MVB12B: variants seen among roughly 807,000 people sequenced by gnomAD.
MVB12B encodes multivesicular body subunit 12B.
In MVB12B, 16 loss-of-function variants were observed where a neutral mutation model predicts 41.6. That is an observed-to-expected ratio of 0.38 (90% CI 0.26 to 0.58). MVB12B has a LOEUF of 0.58. Among genes scored for constraint, MVB12B ranks in the 20% least tolerant of loss-of-function variants. The probability of loss-of-function intolerance (pLI) is 0.62; values close to 1 mark genes in which losing one functional copy is unlikely to be tolerated. For synonymous variants in MVB12B, 133 were observed against 139.7 expected (o/e 0.95, Z 0.34); for missense variants, 274 against 380.2 (o/e 0.72, Z 2.32).
At chr9:126,487,826 C>T (rs987730850) in intron 9 of MVB12B, among the ~76,000 whole-genome samples, 2 of 150,952 alleles carry the variant, frequency 1.3e-5, no homozygotes, top group Non-Finnish European at 2.9e-5. Flanking sequence ...AAATTAAAGT[C>T]GATGTAAAGA....
At chr9:126,439,957 T>C (rs1403352085) in intron 7 of MVB12B, among the ~76,000 whole-genome samples, 1 of 152,236 alleles carries the variant, frequency 6.6e-6, no homozygotes. Context: ...TGTTCAGATA[T>C]TGCTTAAAGA....
chr9:126,471,052 G>A (rs1268004094), intron 7 of MVB12B, among the ~76,000 whole-genome samples: 1 of 152,166 alleles, frequency 6.6e-6, no homozygotes, highest in Non-Finnish European at 1.5e-5. Context: ...CTACAGCTGA[G>A]GAAAGAGAGG....
intron 1 of MVB12B, among the ~76,000 whole-genome samples, chr9:126,336,656 G>GA (rs1829286987): frequency 6.6e-6 from 1 of 152,080 alleles, no homozygotes; most frequent in Admixed American, 6.5e-5. Context: ...TGGCATGGTG[G>GA]AAAAAATCCT....
chr9:126,348,725 T>G (rs1305541818), intron 2 of MVB12B, among the ~76,000 whole-genome samples: 1 of 152,204 alleles, frequency 6.6e-6, no homozygotes, highest in Non-Finnish European at 1.5e-5. Context: ...TTAATTTTTC[T>G]TTCTTTTTTT....
chr9:126,395,813 G>A lies in MVB12B; in HGVS notation c.662+116G>A, dbSNP rs891080674. ...TACTGCAAAGTACAGCTGAATAATTGTAGAAGCAATATATCTTTAGAGGAG... is the reference window on the plus strand; with the variant it reads ...TACTGCAAAGTACAGCTGAATAATTATAGAAGCAATATATCTTTAGAGGAG... On this transcript the variant is annotated intron_variant, in intron 6 of 9. Transcript: ENST00000361171. The surrounding 1 kb of genome is among the most constrained non-coding windows in gnomAD (Gnocchi z 4.9). The A allele has an allele frequency of 1.3e-6, 2 of 1,510,170 alleles. No individual in the cohort carries two copies. The highest frequency in any genetic ancestry group is 1.4e-5 in the African/African-American group (1 of 71,518). The allele number at this position is 1,510,170 out of a possible 1,614,324, so 93.5% of individuals were successfully genotyped here. A position where few individuals can be genotyped will look rare whatever the true frequency, so the allele number is the denominator to read the frequency against.
rs1020011168 is a variant in MVB12B at position 126,376,678 on chromosome 9, G to T, written c.205-4386G>T. 4 of 1,281,772 alleles carry T rather than the reference G, an allele frequency of 3.1e-6. No individual in the cohort carries two copies. The highest frequency in any genetic ancestry group is 2.2e-4 in the Middle Eastern group (1 of 4,646). The allele number at this position is 1,281,772 out of a possible 1,614,324, so 79.4% of individuals were successfully genotyped here. On this transcript the variant is annotated intron_variant, in intron 2 of 9. Coordinates refer to ENST00000361171, the MANE Select transcript of MVB12B (RefSeq NM_033446.3). This position sits in a 1 kb window ranked among gnomAD's most constrained non-coding sequence, Gnocchi z 4.1. ...CCTGCCATTGCCATTCAGTGTGTAC[G>T]CTTGGTTACTCAATTACCCTCGTTT...
chr9:126,428,703 T>A (rs756500042), intron 7 of MVB12B, among the ~76,000 whole-genome samples: 5 of 152,300 alleles, frequency 3.3e-5, no homozygotes, highest in Non-Finnish European at 4.4e-5. Flanking sequence ...AGAATTTGCA[T>A]CCACATTCTG....
At chr9:126,337,993 G>T (rs1366270958) in intron 1 of MVB12B, among the ~76,000 whole-genome samples, 1 of 152,254 alleles carries the variant, frequency 6.6e-6, no homozygotes, top group Non-Finnish European at 1.5e-5. Context: ...GTAATTTGCA[G>T]TCAGAAAATA....
chr9:126,335,472 G>T, intron 1 of MVB12B: 1 of 1,176,442 alleles, frequency 8.5e-7, no homozygotes, highest in Non-Finnish European at 1.1e-6. Context: ...CATTGGTGAG[G>T]CCTGGCCACA....
chr9:126,424,763 G>T (rs751058153), intron 7 of MVB12B, among the ~76,000 whole-genome samples: 1 of 152,196 alleles, frequency 6.6e-6, no homozygotes, highest in South Asian at 2.1e-4. Context: ...TGTGGCCTGC[G>T]CTCTGCTCTC....
At chr9:126,423,406 G>A (rs1047050730) in intron 7 of MVB12B, among the ~76,000 whole-genome samples, 1 of 152,156 alleles carries the variant, frequency 6.6e-6, no homozygotes, top group African/African-American at 2.4e-5. Context: ...CTGCTTCCTC[G>A]CCCCGCAGCT....
intron 9 of MVB12B, among the ~76,000 whole-genome samples, chr9:126,499,889 C>G (rs1048756651): frequency 3.3e-5 from 5 of 152,078 alleles, no homozygotes; most frequent in Admixed American, 6.5e-5. Context: ...GAGAGAGGAG[C>G]TCAGCCCAGC....
In MVB12B at chr9:126,326,992, G is replaced by A. The variant is rs1401495334; in HGVS notation, c.63G>A (p.Pro21=). 1.6e-5 allele frequency: 4 copies of A among 243,838 alleles called. No homozygotes were observed. Among genetic ancestry groups the A allele is most frequent in the South Asian group, 3.7e-5 (1 of 26,758 alleles). The allele number at this position is 243,838 out of a possible 1,614,324, so 15.1% of individuals were successfully genotyped here. ...CGCCGCCGCCGCAGCCACCGCCGCC[G>A]CCGCCCCAGCGGGGAACAGTTAAGT... ...RDPPPPQPPP[P]PPQRGTDQST... is the part of the protein sequence containing the mutation. Residue 21 remains proline (P), a synonymous_variant, in exon 1 of 10, where the codon CCG becomes CCA. Coordinates refer to ENST00000361171, the MANE Select transcript of MVB12B (RefSeq NM_033446.3).
intron 2 of MVB12B, among the ~76,000 whole-genome samples, chr9:126,375,328 G>A (rs868226952): frequency 4.7e-5 from 6 of 126,542 alleles, no homozygotes; most frequent in East Asian, 4.4e-4. Context: ...TTCACAGTAC[G>A]TTCTTAAAAT....
intron 3 of MVB12B, among the ~76,000 whole-genome samples, chr9:126,385,800 G>T (rs970878707): frequency 6.6e-6 from 1 of 152,186 alleles, no homozygotes; most frequent in African/African-American, 2.4e-5. Context: ...TATTTAAGTT[G>T]TAGGGTAGAT....
chr9:126,449,192 G>A (rs926863087), intron 7 of MVB12B, among the ~76,000 whole-genome samples: 4 of 152,188 alleles, frequency 2.6e-5, no homozygotes, highest in Non-Finnish European at 5.9e-5. Context: ...AGAGAGCCCC[G>A]GGCAGTGAGT....
chr9:126,405,122 G>A (rs759869251), intron 6 of MVB12B, among the ~76,000 whole-genome samples: 6 of 152,104 alleles, frequency 3.9e-5, no homozygotes, highest in Non-Finnish European at 5.9e-5. Context: ...TGGCCTTGGC[G>A]TTCGCAGTCT....
chr9:126,506,805 C>G lies in MVB12B; in HGVS notation c.*3542C>G, dbSNP rs886301743. 5.9e-5 allele frequency: 9 copies of G among 152,444 alleles called. No individual in the cohort carries two copies. Among genetic ancestry groups the G allele is most frequent in the African/African-American group, 2.2e-4 (9 of 41,464 alleles). The allele number at this position is 152,444 out of a possible 1,614,324, so 9.4% of individuals were successfully genotyped here. ...ACCCTCAGGGTGGCCCGGCCTCCTC[C>G]TGCCACTCTGAGCACATGTCCGGGG... is the stretch of plus-strand genomic sequence containing the variant. On this transcript the variant is annotated 3_prime_UTR_variant, in exon 10 of 10. Coordinates refer to ENST00000361171, the MANE Select transcript of MVB12B (RefSeq NM_033446.3).
chr9:126,393,483 G>A (rs538935654), intron 5 of MVB12B, among the ~76,000 whole-genome samples: 23 of 152,330 alleles, frequency 1.5e-4, no homozygotes, highest in South Asian at 6.2e-4. Context: ...GGTCTTGATT[G>A]ATCTAGGTAG....
Sources: gnomAD v4.1 joint callset for allele counts (sites outside exome capture counted in the v4.1 genomes callset) on GRCh38, gnomAD v4.1.1 for gene constraint, Gnocchi (gnomAD v3.1) non-coding constraint, MANE v1.5 for transcripts, NCBI Gene and HGNC (gene_info 2026-07-23, HGNC 2026-07-21) for gene names.